The following HDAC9 variants were observed in gnomAD, a reference collection of about 807,000 sequenced individuals.
HDAC9 encodes the protein histone deacetylase 9, also known as MEF-2 interacting transcription repressor (MITR) protein.
A neutral mutation model predicts 139.4 loss-of-function variants in HDAC9; 41 were observed. The ratio of observed to expected loss-of-function variants is 0.29; its 90% CI spans 0.23 to 0.38. HDAC9 has a LOEUF of 0.38. HDAC9 is among the 10% of genes least tolerant of loss of function. The pLI, the probability that HDAC9 is intolerant of heterozygous loss-of-function variation, is 1.00. For missense variants in HDAC9, 1,147 were observed against 1,297.0 expected, an observed-to-expected ratio of 0.88 and a Z score of 1.78; for synonymous variants, 517 against 476.2, an observed-to-expected ratio of 1.09 and a Z score of -1.12.
intron 1 of HDAC9, among the ~76,000 whole-genome samples, chr7:18,448,496 G>C (rs566948925): frequency 1.4e-4 from 21 of 152,230 alleles, no homozygotes; most frequent in African/African-American, 5.1e-4. Context: ...TATTCAAATT[G>C]AGTATTAATT....
chr7:18,980,714 CCT>C lies in HDAC9; in HGVS notation c.3170+4764_3170+4765del, dbSNP rs1491137559. 3.9e-3 allele frequency among the ~76,000 whole-genome samples: 546 copies of C among 139,682 alleles called. 13 individuals carry two copies. Among genetic ancestry groups the C allele is most frequent in the African/African-American group, 0.014 (515 of 36,814 alleles). 91.6% of individuals were successfully genotyped at this position (139,682 alleles called of 152,430 possible). A position where few individuals can be genotyped will look rare whatever the true frequency, so the allele number is the denominator to read the frequency against. On this transcript the variant is annotated intron_variant, in intron 25 of 25. Coordinates refer to ENST00000686413, the MANE Select transcript of HDAC9 (RefSeq NM_178425.4). ...TTCTTCTTCCTTCTTCTTCCTTCTT[CCT>C]CTTCTTCTTCCTTCTTCTTCTTCTT...
intron 6 of HDAC9, among the ~76,000 whole-genome samples, chr7:18,602,501 G>A (rs1834239610): frequency 6.6e-6 from 1 of 151,086 alleles, no homozygotes; most frequent in Admixed American, 6.6e-5. Flanking sequence ...TTTAAGCTTA[G>A]ATTGTTATTT....
intron 13 of HDAC9, among the ~76,000 whole-genome samples, chr7:18,744,877 T>C (rs1185777709): frequency 6.6e-6 from 1 of 152,104 alleles, no homozygotes; most frequent in Non-Finnish European, 1.5e-5. Context: ...ATATAATACG[T>C]ATTTTCTACA....
intron 17 of HDAC9, among the ~76,000 whole-genome samples, chr7:18,826,879 A>G (rs1347822326): frequency 1.3e-5 from 2 of 151,630 alleles, no homozygotes; most frequent in Non-Finnish European, 2.9e-5. Flanking sequence ...ACCCATTAAC[A>G]TCTACCTCTC....
intron 2 of HDAC9, among the ~76,000 whole-genome samples, chr7:18,584,140 C>CTTTTTTTTTTTT (rs3084518): frequency 9.3e-6 from 1 of 107,754 alleles, no homozygotes. Context: ...AAGCAGCATT[C>CTTTTTTTTTTTT]TTTTTTTTTT....
At chr7:18,914,043 A>C (rs995399466) in intron 22 of HDAC9, among the ~76,000 whole-genome samples, 1 of 151,934 alleles carries the variant, frequency 6.6e-6, no homozygotes, top group Non-Finnish European at 1.5e-5. Context: ...TTTGAGAGCT[A>C]ATTAGGTCAT....
At chr7:18,791,109 A>G (rs1353602719) in intron 16 of HDAC9, among the ~76,000 whole-genome samples, 1 of 152,216 alleles carries the variant, frequency 6.6e-6, no homozygotes, top group Admixed American at 6.5e-5. Context: ...TCAAAGATAC[A>G]GCACTCTCTG....
chr7:18,395,793 A>C (rs559478430), intron 1 of HDAC9, among the ~76,000 whole-genome samples: 2 of 152,228 alleles, frequency 1.3e-5, no homozygotes, highest in South Asian at 4.1e-4. Flanking sequence ...GAAAGCCTAA[A>C]GCCTTTAATT....
At chr7:18,810,470 G>T (rs1794087393) in intron 17 of HDAC9, among the ~76,000 whole-genome samples, 1 of 151,746 alleles carries the variant, frequency 6.6e-6, no homozygotes, top group Admixed American at 6.6e-5. Context: ...CACTGTATAT[G>T]GCTATAAGCA....
intron 1 of HDAC9, among the ~76,000 whole-genome samples, chr7:18,117,231 C>T (rs1784056246): frequency 6.6e-6 from 1 of 152,050 alleles, no homozygotes; most frequent in African/African-American, 2.4e-5. Flanking sequence ...GGTGGCCTAT[C>T]AATCCAATAT....
At chr7:18,810,836 T>A (rs1019192682) in intron 17 of HDAC9, among the ~76,000 whole-genome samples, 5 of 151,934 alleles carry the variant, frequency 3.3e-5, no homozygotes, top group Non-Finnish European at 2.9e-5. Context: ...TGCTCTTGCA[T>A]GGGAGTTTGT....
At chr7:18,092,560 T>C (rs1782238624) in intron 1 of HDAC9, among the ~76,000 whole-genome samples, 1 of 152,124 alleles carries the variant, frequency 6.6e-6, no homozygotes, top group African/African-American at 2.4e-5. Context: ...GAATGTGGGC[T>C]CTATATCATA....
chr7:18,680,904 A>T (rs1442901921), intron 12 of HDAC9, among the ~76,000 whole-genome samples: 1 of 151,966 alleles, frequency 6.6e-6, no homozygotes, highest in Non-Finnish European at 1.5e-5. Flanking sequence ...CATTTTTACC[A>T]TTTGGCTTTG....
At chr7:18,872,368 A>G (rs1274869799) in intron 21 of HDAC9, among the ~76,000 whole-genome samples, 1 of 152,146 alleles carries the variant, frequency 6.6e-6, no homozygotes, top group Non-Finnish European at 1.5e-5. Context: ...GATAGAAACC[A>G]GTAGATTCCG....
chr7:18,852,976 G>A (rs545876849), intron 21 of HDAC9, among the ~76,000 whole-genome samples: 14 of 152,154 alleles, frequency 9.2e-5, no homozygotes, highest in African/African-American at 3.4e-4. Flanking sequence ...TAGTAGGGGT[G>A]CGGGGAGCAA....
rs1786722131 is a variant in HDAC9 at position 19,001,021 on chromosome 7, A to C, written c.*4959A>C. The C allele has an allele frequency of 6.6e-6, 1 of 152,168 alleles. No individual in the cohort carries two copies. The highest frequency in any genetic ancestry group is 1.5e-5 in the Non-Finnish European group (1 of 68,012). The allele number at this position is 152,168 out of a possible 1,614,324, so 9.4% of individuals were successfully genotyped here. On this transcript the variant is annotated 3_prime_UTR_variant, in exon 26 of 26. Transcript: ENST00000686413. ...CTTGACTTTTTCAAATATTCTTAAA[A>C]GATAGATTTAGTTATTGTATTTTGG...
chr7:18,691,116 C>T (rs1489812321), intron 12 of HDAC9, among the ~76,000 whole-genome samples: 2 of 151,968 alleles, frequency 1.3e-5, no homozygotes, highest in Non-Finnish European at 2.9e-5. Flanking sequence ...CTTTTCTTAA[C>T]TCTGAATGAA....
intron 22 of HDAC9, among the ~76,000 whole-genome samples, chr7:18,882,668 G>A (rs1245863132): frequency 6.6e-6 from 1 of 151,720 alleles, no homozygotes; most frequent in Non-Finnish European, 1.5e-5. Context: ...AGTGGGTGGG[G>A]AAGGGAGATA....
intron 1 of HDAC9, among the ~76,000 whole-genome samples, chr7:18,459,151 G>C (rs1238682526): frequency 1.3e-5 from 2 of 152,058 alleles, no homozygotes; most frequent in Admixed American, 1.3e-4. Flanking sequence ...ATATCTTGGG[G>C]TCTTTTTACC....
Sources: allele counts gnomAD v4.1 joint callset (sites outside exome capture counted in the v4.1 genomes callset), GRCh38; gene constraint gnomAD v4.1.1; transcripts MANE v1.5; gene names NCBI Gene and HGNC (gene_info 2026-07-23, HGNC 2026-07-21).